KLF12: variants seen among roughly 807,000 people sequenced by gnomAD.
The protein encoded by KLF12 is KLF transcription factor 12.
Under a neutral mutation model 37.8 loss-of-function variants are expected in KLF12, and 9 were observed. The observed-to-expected ratio is 0.24, with a 90% CI of 0.14 to 0.42. The LOEUF (loss-of-function observed/expected upper bound fraction) is 0.42, where lower values mean the gene tolerates loss of function less well. Among genes scored for constraint, KLF12 ranks in the 10% least tolerant of loss-of-function variants. The probability of loss-of-function intolerance (pLI) is 1.00; values close to 1 mark genes in which losing one functional copy is unlikely to be tolerated. For synonymous variants in KLF12, 208 were observed against 202.1 expected (o/e 1.03, Z -0.25); for missense variants, 411 against 516.0 (o/e 0.80, Z 1.97).
intron 1 of KLF12, among the ~76,000 whole-genome samples, chr13:74,091,246 T>C (rs895155309): frequency 6.6e-6 from 1 of 152,158 alleles, no homozygotes; most frequent in Non-Finnish European, 1.5e-5. Context: ...AGAACAAACA[T>C]TCGAACTAAA....
intron 2 of KLF12, among the ~76,000 whole-genome samples, chr13:73,959,119 C>T (rs549894904): frequency 1.7e-4 from 2 of 12,094 alleles, no homozygotes; most frequent in South Asian, 6.0e-3. Flanking sequence ...TCCACACCCC[C>T]CTTCCAAAAA....
intron 1 of KLF12, among the ~76,000 whole-genome samples, chr13:74,106,850 A>G (rs1291352450): frequency 6.6e-6 from 1 of 152,086 alleles, no homozygotes; most frequent in African/African-American, 2.4e-5. Context: ...CCTCTATATT[A>G]TGATGGTAAA....
the KLF12 span, among the ~76,000 whole-genome samples, chr13:74,230,718 A>C: frequency 7.2e-5 from 11 of 152,266 alleles, no homozygotes; most frequent in African/African-American, 2.6e-4. Context: ...AACTGCACAG[A>C]ATTCTGTGCA....
intron 7 of KLF12, among the ~76,000 whole-genome samples, chr13:73,698,665 GCACAGC>G (rs556429870): frequency 7.6e-4 from 116 of 152,282 alleles, no homozygotes; most frequent in Middle Eastern, 3.4e-3. Context: ...TTTTATTGGA[GCACAGC>G]CACATTTATT....
intron 5 of KLF12, among the ~76,000 whole-genome samples, chr13:73,776,661 T>G (rs1474859859): frequency 6.6e-6 from 1 of 152,236 alleles, no homozygotes; most frequent in Non-Finnish European, 1.5e-5. Context: ...TGGTTTCCAC[T>G]GCTTCATGCA....
chr13:73,863,945 A>C (rs1886052852), intron 3 of KLF12, among the ~76,000 whole-genome samples: 1 of 152,180 alleles, frequency 6.6e-6, no homozygotes, highest in Admixed American at 6.5e-5. Flanking sequence ...TACAGTTTTT[A>C]ATTCTAAATA....
intron 5 of KLF12, among the ~76,000 whole-genome samples, chr13:73,802,857 A>G (rs1882352866): frequency 6.6e-6 from 1 of 152,214 alleles, no homozygotes; most frequent in Non-Finnish European, 1.5e-5. Context: ...GTACCAGGAT[A>G]AAACTCACTT....
At chr13:74,260,590 A>AG in the KLF12 span, among the ~76,000 whole-genome samples, 155 of 110,020 alleles carry the variant, frequency 1.4e-3, 2 homozygotes, top group African/African-American at 9.6e-3. Context: ...AAATAAAATA[A>AG]AATAAAATAA....
intron 6 of KLF12, among the ~76,000 whole-genome samples, chr13:73,724,278 C>A (rs1315983903): frequency 2.6e-5 from 4 of 152,166 alleles, no homozygotes; most frequent in Admixed American, 2.6e-4. Context: ...TCTCAGCAAA[C>A]TAACACAGGA....
chr13:74,017,663 T>C (rs1265701553), intron 1 of KLF12, among the ~76,000 whole-genome samples: 1 of 149,788 alleles, frequency 6.7e-6, no homozygotes, highest in East Asian at 2.0e-4. Context: ...GAAAAGATTT[T>C]CCTGAGATAA....
At chr13:73,805,298 AAATAAC>A (rs1331634861) in intron 5 of KLF12, among the ~76,000 whole-genome samples, 1 of 152,134 alleles carries the variant, frequency 6.6e-6, no homozygotes, top group Non-Finnish European at 1.5e-5. Context: ...AATTATATTA[AAATAAC>A]AATGGATTTG....
chr13:73,873,291 A>G (rs940890695), intron 3 of KLF12, among the ~76,000 whole-genome samples: 3 of 152,212 alleles, frequency 2.0e-5, no homozygotes, highest in African/African-American at 7.2e-5. Context: ...ATAACCATAA[A>G]CATGAAATGA....
At chr13:74,072,257 G>C (rs1279396156) in intron 1 of KLF12, among the ~76,000 whole-genome samples, 1 of 150,526 alleles carries the variant, frequency 6.6e-6, no homozygotes, top group Non-Finnish European at 1.5e-5. Flanking sequence ...TATGGTACAT[G>C]CTCATTAAAA....
At chr13:73,780,222 T>C (rs576683166) in intron 5 of KLF12, among the ~76,000 whole-genome samples, 42 of 152,368 alleles carry the variant, frequency 2.8e-4, no homozygotes, top group African/African-American at 9.9e-4. Flanking sequence ...CTTGGACAGA[T>C]GAAGTCATTT....
chr13:73,836,465 C>T (rs1284702584), intron 4 of KLF12, among the ~76,000 whole-genome samples: 2 of 152,136 alleles, frequency 1.3e-5, no homozygotes, highest in Non-Finnish European at 2.9e-5. Flanking sequence ...ATCTCATATT[C>T]TTCCTTCTTT....
intron 1 of KLF12, among the ~76,000 whole-genome samples, chr13:74,012,277 C>T (rs527363809): frequency 6.6e-6 from 1 of 152,242 alleles, no homozygotes; most frequent in African/African-American, 2.4e-5. Context: ...GATGTGTCTT[C>T]CAAAGCACAG....
chr13:74,244,409 A>T, the KLF12 span, among the ~76,000 whole-genome samples: 7 of 152,116 alleles, frequency 4.6e-5, no homozygotes, highest in Non-Finnish European at 1.0e-4. Flanking sequence ...CTTCCCTCCA[A>T]ACTTATCACT....
At chr13:74,242,548 G>A in the KLF12 span, among the ~76,000 whole-genome samples, 6 of 152,298 alleles carry the variant, frequency 3.9e-5, no homozygotes, top group East Asian at 1.9e-4. Context: ...TGGGAATTAC[G>A]GGAGCTACAA....
At chr13:73,801,584 C>T (rs1406772285) in intron 5 of KLF12, 1 of 152,020 alleles carries the variant, frequency 6.6e-6, no homozygotes, top group East Asian at 1.9e-4. Context: ...GTATAAATGA[C>T]ACACATAAAT....
Sources: gnomAD v4.1 joint callset for allele counts (sites outside exome capture counted in the v4.1 genomes callset) on GRCh38, gnomAD v4.1.1 for gene constraint, MANE v1.5 for transcripts, NCBI Gene and HGNC (gene_info 2026-07-23, HGNC 2026-07-21) for gene names.